The following MED1 variants were observed in gnomAD, a reference collection of about 807,000 sequenced individuals.
MED1 encodes the protein mediator of RNA polymerase II transcription subunit 1.
A neutral mutation model predicts 121.3 loss-of-function variants in MED1; 17 were observed. That is an observed-to-expected ratio of 0.14 (90% CI 0.10 to 0.21). The LOEUF (loss-of-function observed/expected upper bound fraction) is 0.21. MED1 is among the 10% of genes least tolerant of loss of function. MED1 has a pLI of 1.00. For missense variants in MED1, 1,558 were observed against 1,919.4 expected (o/e 0.81, Z 3.52); for synonymous variants, 661 against 694.4 (o/e 0.95, Z 0.76).
At chr17:39,430,182 T>C (rs2048552479) in intron 9 of MED1, among the ~76,000 whole-genome samples, 1 of 151,864 alleles carries the variant, frequency 6.6e-6, no homozygotes, top group African/African-American at 2.4e-5. Context: ...GTCAGGAATT[T>C]GAGACCAGCC....
intron 2 of MED1, among the ~76,000 whole-genome samples, chr17:39,447,321 G>GC (rs2048737577): frequency 6.6e-6 from 1 of 151,504 alleles, no homozygotes; most frequent in African/African-American, 2.4e-5. Context: ...AACCTGGGAG[G>GC]CAGAGGTTGC....
Position 39,407,611 on chromosome 17 carries a change from G to A in MED1, c.4610C>T (p.Pro1537Leu). ...SIKPESWSKS[P>L]ISSDQSLSMT... ...AGACAAGGACTGGTCTGAAGAGATG[G>A]GTGATTTGGACCAACTCTCTGGCTT... Residue 1537 changes from proline (P) to leucine (L), a missense_variant, in exon 17 of 17, where the codon CCC (proline) becomes CTC (leucine). Around this residue, in one of 5 missense-constraint regions of MED1, gnomAD observed 264 missense variants for 326.1 expected, o/e 0.81. Coordinates refer to ENST00000300651, the MANE Select transcript of MED1 (RefSeq NM_004774.4). 1 of 1,613,984 alleles carries A rather than the reference G, an allele frequency of 6.2e-7. No homozygotes were observed. Among genetic ancestry groups the A allele is most frequent in the Non-Finnish European group, 8.5e-7 (1 of 1,179,994 alleles).
In MED1 at chr17:39,407,879, G is replaced by A; in HGVS notation, c.4342C>T (p.Pro1448Ser). The change falls in exon 17 of 17, where the codon CCC (proline) becomes TCC (serine). Residue 1448 changes from proline (P) to serine (S), a missense_variant. Physicochemically the swap from Pro to Ser is moderately conservative, Grantham distance 74 (BLOSUM62 -1). Transcript: ENST00000300651. Reference sequence around the variant, plus strand: ...TATGCTGGTGACTTACTATGGCTGGGAGAGCCACGCTCATGCTTTGGAGTG... The same window carrying A: ...TATGCTGGTGACTTACTATGGCTGGAAGAGCCACGCTCATGCTTTGGAGTG... ...GSTPKHERGS[P>S]SHSKSPAYTP... is the part of the protein sequence containing the mutation. 1 of 1,614,130 alleles carries A rather than the reference G, an allele frequency of 6.2e-7. No individual in the cohort carries two copies. Among genetic ancestry groups the A allele is most frequent in the African/African-American group, 1.3e-5 (1 of 75,028 alleles).
chr17:39,408,900 A>G lies in MED1; in HGVS notation c.3321T>C (p.Ser1107=). The G allele has an allele frequency of 6.2e-7, 1 of 1,614,190 alleles. No individual in the cohort carries two copies. Among genetic ancestry groups the G allele is most frequent in the Non-Finnish European group, 8.5e-7 (1 of 1,180,038 alleles). ...HHSHSSSSSS[S]ASTSGKMKSS... is the part of the protein sequence containing the mutation. The stretch of plus-strand genomic sequence containing the variant: ...TTTTCATCTTCCCTGAGGTGGAAGC[A>G]GATGAGGAAGAGGAGGAAGAATGGC... The change falls in exon 17 of 17, where the codon TCT becomes TCC. Residue 1107 remains serine, a synonymous_variant. Transcript: ENST00000300651. The surrounding 1 kb of genome is among the most constrained non-coding windows in gnomAD (Gnocchi z 4.7).
At position 39,405,986 on chromosome 17, in the gene MED1, A is replaced by C; in HGVS notation, c.*1489T>G. 1 of 985,520 alleles carries C rather than the reference A, an allele frequency of 1.0e-6. No homozygotes were observed. The highest frequency in any genetic ancestry group is 1.2e-6 in the Non-Finnish European group (1 of 829,940). The allele number at this position is 985,520 out of a possible 1,614,324, so 61.0% of individuals were successfully genotyped here. A position where few individuals can be genotyped will look rare whatever the true frequency, so the allele number is the denominator to read the frequency against. ...GCTGATACAGATCCTGAATGGAATA[A>C]TCAGGAATGGCACAGTGCAGGTGTC... On this transcript the variant is annotated 3_prime_UTR_variant, in exon 17 of 17. Transcript: ENST00000300651.
At chr17:39,424,550 C>T in intron 11 of MED1, 77 bp downstream of exon 11, 1 of 873,872 alleles carries the variant, frequency 1.1e-6, no homozygotes, top group Non-Finnish European at 1.8e-6. Flanking sequence ...AGTGGGGTAA[C>T]AGCCAGGTTA....
At chr17:39,441,756 A>C (rs906962780) in intron 3 of MED1, among the ~76,000 whole-genome samples, 5 of 152,008 alleles carry the variant, frequency 3.3e-5, no homozygotes, top group Admixed American at 3.3e-4. Flanking sequence ...CCTGGGTGAC[A>C]CAGCGACACT....
rs532510033 is a variant in MED1 at position 39,420,737 on chromosome 17, C to A, written c.1096-819G>T. Reference sequence around the variant, plus strand: ...GCAATCTCTACCTCCCAGGATGAAGCCCCTCAGCTTCCCGAGCAGCTGAGA... The same window carrying A: ...GCAATCTCTACCTCCCAGGATGAAGACCCTCAGCTTCCCGAGCAGCTGAGA... On this transcript the variant is annotated intron_variant, in intron 13 of 16. Coordinates refer to ENST00000300651, the MANE Select transcript of MED1 (RefSeq NM_004774.4). Among the ~76,000 whole-genome samples the A allele has an allele frequency of 2.6e-5, 4 of 151,738 alleles. No individual in the cohort carries two copies. In the South Asian group the frequency reaches 8.3e-4, roughly 32 times the overall value.
intron 2 of MED1, among the ~76,000 whole-genome samples, chr17:39,446,108 G>A (rs2048724534): frequency 6.6e-6 from 1 of 151,768 alleles, no homozygotes; most frequent in Non-Finnish European, 1.5e-5. Context: ...GCCAAAGTGG[G>A]TGGATCACTT....
At chr17:39,411,718 C>T (rs986724773) in intron 16 of MED1, among the ~76,000 whole-genome samples, 5 of 149,690 alleles carry the variant, frequency 3.3e-5, no homozygotes, top group Admixed American at 1.3e-4. Flanking sequence ...GAAAAATCTC[C>T]GCCGGTCAGA....
At chr17:39,444,504 T>G (rs550856780) in intron 2 of MED1, among the ~76,000 whole-genome samples, 54 of 145,730 alleles carry the variant, frequency 3.7e-4, no homozygotes, top group Admixed American at 1.3e-3. Context: ...AGACTCTGTC[T>G]CAAAAAAAAA....
At position 39,409,875 on chromosome 17, in the gene MED1, G is replaced by T. The variant is rs542969501; in HGVS notation, c.2346C>A (p.Ile782=). The T allele has an allele frequency of 3.7e-6, 6 of 1,614,046 alleles. No homozygotes were observed. The South Asian group carries it at 6.6e-5, about 18-fold the overall frequency. ...AAGCTTCTTCTGCAATGTCTGAAAG[G>T]ATGTCAGTTACATCTGGGCCAATGC... ...SDSIGPDVTD[I]LSDIAEEASK... is the part of the protein sequence containing the mutation. Residue 782 remains isoleucine, a synonymous_variant, in exon 17 of 17, where the codon ATC becomes ATA. Coordinates refer to ENST00000300651, the MANE Select transcript of MED1 (RefSeq NM_004774.4).
In MED1 at chr17:39,415,138, G is replaced by A. The variant is rs757871594; in HGVS notation, c.1394-7C>T. 5 of 1,613,288 alleles carry A rather than the reference G, an allele frequency of 3.1e-6. No homozygotes were observed. The South Asian group carries it at 5.5e-5, about 18-fold the overall frequency. ...TCCTGCACATCCATTACCACTGAAA[G>A]ACAAAATACATAGGAAATTGTTTTA... On this transcript the variant is annotated splice_polypyrimidine_tract_variant and splice_region_variant and intron_variant, in intron 15 of 16. Transcript: ENST00000300651.
At chr17:39,433,455 G>A (rs1205715515) in intron 7 of MED1, among the ~76,000 whole-genome samples, 1 of 151,274 alleles carries the variant, frequency 6.6e-6, no homozygotes, top group Non-Finnish European at 1.5e-5. Flanking sequence ...CTCCCAAAGT[G>A]GCCAGGATTA....
At chr17:39,446,739 A>C (rs144173032) in intron 2 of MED1, among the ~76,000 whole-genome samples, 3,808 of 151,000 alleles carry the variant, frequency 0.025, 69 homozygotes, top group Middle Eastern at 0.062. Flanking sequence ...GCACCATTGC[A>C]CTCCAGCCTG....
chr17:39,409,055 C>A lies in MED1; in HGVS notation c.3166G>T (p.Ala1056Ser), dbSNP rs539330154. The A allele has an allele frequency of 1.3e-5, 21 of 1,614,166 alleles. No individual in the cohort carries two copies. In the South Asian group the frequency reaches 2.1e-4, roughly 16 times the overall value. The change falls in exon 17 of 17, where the codon GCC becomes TCC. Residue 1056 changes from alanine to serine, a missense_variant. Ala to Ser is a moderately conservative substitution (Grantham distance 99). Coordinates refer to ENST00000300651, the MANE Select transcript of MED1 (RefSeq NM_004774.4). Reference protein sequence around the residue: ...AGRSQTPPGVATPPIPKITIQ... With the variant: ...AGRSQTPPGVSTPPIPKITIQ... ...GTGATTTTGGGAATGGGTGGTGTGG[C>A]AACACCTGGGGGAGTCTGAGATCTT...
At chr17:39,436,369 G>A (rs200797819) in intron 6 of MED1, among the ~76,000 whole-genome samples, 8,905 of 111,190 alleles carry the variant, frequency 0.08, no homozygotes, top group African/African-American at 0.095. Flanking sequence ...TCAAAAAAAA[G>A]AAAAAAAAAA....
chr17:39,447,814 A>G lies in MED1; in HGVS notation c.116T>C (p.Leu39Pro). Residue 39 changes from leucine (L) to proline (P), a missense_variant, in exon 2 of 17, where the codon CTT becomes CCT. Transcript: ENST00000300651. ...AATCCTTACCATGACTTGACGCACA[A>G]GCTTAATGGTTTCACTCCAGGGTCT... ...QNRPWSETIKLVRQVMEKRVV... is the reference protein window; with the variant it reads ...QNRPWSETIKPVRQVMEKRVV... 6.2e-7 allele frequency: 1 copy of G among 1,612,976 alleles called. No homozygotes were observed. Among genetic ancestry groups the G allele is most frequent in the Non-Finnish European group, 8.5e-7 (1 of 1,179,130 alleles).
At chr17:39,446,554 T>C (rs2048729559) in intron 2 of MED1, among the ~76,000 whole-genome samples, 1 of 148,932 alleles carries the variant, frequency 6.7e-6, no homozygotes, top group Non-Finnish European at 1.5e-5. Context: ...GGGAGGCAGA[T>C]CACGAGGTCA....
Sources: allele counts gnomAD v4.1 joint callset (sites outside exome capture counted in the v4.1 genomes callset), GRCh38; gene constraint gnomAD v4.1.1; regional missense constraint gnomAD v4.1.1; non-coding constraint Gnocchi (gnomAD v3.1); transcripts MANE v1.5; gene names NCBI Gene and HGNC (gene_info 2026-07-23, HGNC 2026-07-21).